KAZN: variants seen among roughly 807,000 people sequenced by gnomAD.
KAZN encodes kazrin, periplakin interacting protein, also known as kazrin.
In KAZN, 40 loss-of-function variants were observed where a neutral mutation model predicts 87.4. The observed-to-expected ratio is 0.46, with a 90% CI of 0.36 to 0.60. The LOEUF is 0.60. KAZN is among the 20% of genes least tolerant of loss of function. KAZN has a pLI of 0.00. For synonymous variants in KAZN, 466 were observed against 458.3 expected, an observed-to-expected ratio of 1.02 and a Z score of -0.22; for missense variants, 898 against 1,073.9, an observed-to-expected ratio of 0.84 and a Z score of 2.29.
At chr1:15,022,531 G>C (rs1370707123) in intron 2 of KAZN, among the ~76,000 whole-genome samples, 1 of 152,220 alleles carries the variant, frequency 6.6e-6, no homozygotes, top group Non-Finnish European at 1.5e-5. Flanking sequence ...TGGTCCCTCA[G>C]CCATGGATGG....
chr1:13,917,880 A>T (rs1639918865), intron 1 of KAZN, among the ~76,000 whole-genome samples: 1 of 151,894 alleles, frequency 6.6e-6, no homozygotes, highest in Non-Finnish European at 1.5e-5. Flanking sequence ...GCAAAGCCTG[A>T]TGACAGCACA....
chr1:14,485,057 G>C (rs542921068), intron 2 of KAZN, among the ~76,000 whole-genome samples: 1 of 152,220 alleles, frequency 6.6e-6, no homozygotes, highest in South Asian at 2.1e-4. Flanking sequence ...GGAAAATGAA[G>C]AATTGAGGCC....
At chr1:14,644,696 C>T (rs906973603) in intron 1 of KAZN, among the ~76,000 whole-genome samples, 1 of 152,164 alleles carries the variant, frequency 6.6e-6, no homozygotes, top group Non-Finnish European at 1.5e-5. Flanking sequence ...CTTATAGATG[C>T]TGGACATTAG....
chr1:14,335,113 C>T (rs941268806), intron 2 of KAZN, among the ~76,000 whole-genome samples: 4 of 149,876 alleles, frequency 2.7e-5, no homozygotes, highest in Non-Finnish European at 5.9e-5. Flanking sequence ...GGTGCCCCCC[C>T]CCCACCACCC....
chr1:14,038,731 G>C (rs540371350), intron 1 of KAZN, among the ~76,000 whole-genome samples: 1 of 152,298 alleles, frequency 6.6e-6, no homozygotes, highest in South Asian at 2.1e-4. Flanking sequence ...TGAAGCTGCA[G>C]GGGGTTCAGG....
At chr1:14,419,095 G>C (rs946897545) in intron 2 of KAZN, among the ~76,000 whole-genome samples, 2 of 152,164 alleles carry the variant, frequency 1.3e-5, no homozygotes, top group South Asian at 4.1e-4. Context: ...ATTTTCAATA[G>C]AAAAAGTTTA....
At chr1:15,107,695 C>G (rs1396556298) in intron 13 of KAZN, among the ~76,000 whole-genome samples, 1 of 152,136 alleles carries the variant, frequency 6.6e-6, no homozygotes, top group Non-Finnish European at 1.5e-5. Flanking sequence ...TATTCCAAAC[C>G]CACCCCTAGC....
At chr1:14,647,821 C>T (rs183412406) in intron 1 of KAZN, among the ~76,000 whole-genome samples, 1 of 152,082 alleles carries the variant, frequency 6.6e-6, no homozygotes, top group African/African-American at 2.4e-5. Context: ...TGATTTCTCC[C>T]GCACCTTAAC....
At chr1:13,899,373 G>C (rs1478795072) in intron 1 of KAZN, among the ~76,000 whole-genome samples, 4 of 152,182 alleles carry the variant, frequency 2.6e-5, no homozygotes, top group African/African-American at 9.7e-5. Flanking sequence ...TAGTAGTTGG[G>C]CCAGGATTCA....
intron 1 of KAZN, among the ~76,000 whole-genome samples, chr1:14,680,491 G>C (rs1640506519): frequency 6.6e-6 from 1 of 152,122 alleles, no homozygotes; most frequent in Admixed American, 6.5e-5. Flanking sequence ...TACGTGTGCA[G>C]AATGTGCAGG....
intron 1 of KAZN, among the ~76,000 whole-genome samples, chr1:14,032,761 C>A (rs992884258): frequency 6.6e-6 from 1 of 152,066 alleles, no homozygotes; most frequent in African/African-American, 2.4e-5. Flanking sequence ...GTGTTCTGAC[C>A]CCTGCTTAAA....
chr1:14,404,788 A>T (rs1663695605), intron 2 of KAZN, among the ~76,000 whole-genome samples: 1 of 152,244 alleles, frequency 6.6e-6, no homozygotes. Context: ...ATATGCAAAC[A>T]CCAACATATA....
At chr1:14,197,929 C>G (rs1054562516) in intron 2 of KAZN, among the ~76,000 whole-genome samples, 1 of 152,116 alleles carries the variant, frequency 6.6e-6, no homozygotes, top group African/African-American at 2.4e-5. Context: ...CATTTGTGGT[C>G]ATAATGGCTG....
At chr1:15,052,691 T>A (rs1433230764) in intron 4 of KAZN, among the ~76,000 whole-genome samples, 1 of 152,204 alleles carries the variant, frequency 6.6e-6, no homozygotes, top group Non-Finnish European at 1.5e-5. Context: ...ACGCGTCATC[T>A]GCAGTTCCTC....
chr1:14,134,014 C>A (rs1019634474), intron 1 of KAZN, among the ~76,000 whole-genome samples: 3 of 152,202 alleles, frequency 2.0e-5, no homozygotes, highest in African/African-American at 7.2e-5. Flanking sequence ...TTAACACATT[C>A]ATGACATTAA....
chr1:14,926,052 AC>A (rs1445366207), intron 1 of KAZN, among the ~76,000 whole-genome samples: 3 of 152,218 alleles, frequency 2.0e-5, no homozygotes, highest in African/African-American at 7.2e-5. Context: ...TGCCTCATTC[AC>A]CATAAATGCT....
chr1:14,930,867 G>A (rs1659734695), intron 1 of KAZN, among the ~76,000 whole-genome samples: 1 of 152,172 alleles, frequency 6.6e-6, no homozygotes, highest in Non-Finnish European at 1.5e-5. Flanking sequence ...AACCCTGGGG[G>A]CCCAGAGTGG....
intron 1 of KAZN, among the ~76,000 whole-genome samples, chr1:14,850,648 T>G (rs1057104636): frequency 1.3e-5 from 2 of 152,154 alleles, no homozygotes; most frequent in Admixed American, 1.3e-4. Flanking sequence ...CGGGGCCACA[T>G]CTTTTTTGCA....
chr1:14,546,308 G>T (rs1456287833), intron 2 of KAZN, among the ~76,000 whole-genome samples: 8 of 152,174 alleles, frequency 5.3e-5, no homozygotes, highest in Non-Finnish European at 1.2e-4. Context: ...GGAGAGAAAA[G>T]CTTCCAGAGA....
Sources: allele counts gnomAD v4.1 joint callset (sites outside exome capture counted in the v4.1 genomes callset), GRCh38; gene constraint gnomAD v4.1.1; transcripts MANE v1.5; gene names NCBI Gene and HGNC (gene_info 2026-07-23, HGNC 2026-07-21).